The following SLC44A5 variants were observed in gnomAD, a reference collection of about 807,000 sequenced individuals.
SLC44A5 encodes solute carrier family 44 member 5.
A neutral mutation model predicts 101.8 loss-of-function variants in SLC44A5; 57 were observed. The observed-to-expected ratio is 0.56, with a 90% confidence interval of 0.45 to 0.70. The LOEUF is 0.70. Among genes scored for constraint, SLC44A5 ranks in the 30% least tolerant of loss-of-function variants. The pLI, the probability that SLC44A5 is intolerant of heterozygous loss-of-function variation, is 0.00. For missense variants in SLC44A5, 737 were observed against 853.1 expected (o/e 0.86, Z 1.70); for synonymous variants, 281 against 290.9 (o/e 0.97, Z 0.35).
intron 5 of SLC44A5, among the ~76,000 whole-genome samples, chr1:75,294,639 T>C (rs540486861): frequency 6.6e-6 from 1 of 152,196 alleles, no homozygotes; most frequent in East Asian, 1.9e-4. Flanking sequence ...CTTGTGTATG[T>C]GTGTGTGTAT....
chr1:75,471,676 GC>G (rs1438490791), intron 2 of SLC44A5, among the ~76,000 whole-genome samples: 1 of 151,758 alleles, frequency 6.6e-6, no homozygotes, highest in Non-Finnish European at 1.5e-5. Context: ...GCATTCCACT[GC>G]CCTCTATTTC....
intron 4 of SLC44A5, among the ~76,000 whole-genome samples, chr1:75,321,027 TAG>T: frequency 6.6e-6 from 1 of 152,268 alleles, no homozygotes; most frequent in Middle Eastern, 3.4e-3. Context: ...TATAAATATG[TAG>T]GAGAAAATGC....
intron 5 of SLC44A5, among the ~76,000 whole-genome samples, chr1:75,279,460 T>C (rs958294643): frequency 7.2e-5 from 11 of 152,146 alleles, no homozygotes; most frequent in Non-Finnish European, 1.6e-4. Flanking sequence ...AACCACAACT[T>C]CATGAAGAAC....
intron 2 of SLC44A5, among the ~76,000 whole-genome samples, chr1:75,414,247 T>A (rs1663473138): frequency 6.6e-6 from 1 of 151,828 alleles, no homozygotes; most frequent in Non-Finnish European, 1.5e-5. Context: ...CAAATTTGAA[T>A]TGTTATAACA....
At chr1:75,716,268 C>T in the SLC44A5 span, among the ~76,000 whole-genome samples, 1 of 152,016 alleles carries the variant, frequency 6.6e-6, no homozygotes, top group African/African-American at 2.4e-5. Context: ...TGCTTGAGTC[C>T]CAGAGTTAGA....
chr1:75,532,906 GATGA>G (rs1353780222), intron 2 of SLC44A5, among the ~76,000 whole-genome samples: 2 of 152,076 alleles, frequency 1.3e-5, no homozygotes, highest in Admixed American at 1.3e-4. Context: ...ATATAGGTTG[GATGA>G]ATAAGTGAAT....
At chr1:75,623,588 A>C in the SLC44A5 span, among the ~76,000 whole-genome samples, 1 of 152,116 alleles carries the variant, frequency 6.6e-6, no homozygotes, top group Non-Finnish European at 1.5e-5. Flanking sequence ...TCAAAGGATA[A>C]GGTTTTTTTT....
chr1:75,534,123 G>A (rs777851152), intron 2 of SLC44A5, among the ~76,000 whole-genome samples: 18 of 152,056 alleles, frequency 1.2e-4, no homozygotes, highest in Non-Finnish European at 2.5e-4. Flanking sequence ...GATCAGAGCT[G>A]GCAGAAAAGG....
chr1:75,681,152 G>A, the SLC44A5 span, among the ~76,000 whole-genome samples: 2 of 152,254 alleles, frequency 1.3e-5, no homozygotes, highest in East Asian at 3.9e-4. Flanking sequence ...TCCAGGACCA[G>A]ATGGATTCAC....
intron 2 of SLC44A5, among the ~76,000 whole-genome samples, chr1:75,456,476 G>A (rs1666195249): frequency 6.6e-6 from 1 of 152,162 alleles, no homozygotes; most frequent in Non-Finnish European, 1.5e-5. Context: ...TAACAAGCCT[G>A]CACTTGTAGA....
intron 2 of SLC44A5, among the ~76,000 whole-genome samples, chr1:75,421,164 G>A (rs952787442): frequency 4.6e-5 from 7 of 151,822 alleles, no homozygotes; most frequent in African/African-American, 1.7e-4. Context: ...CTTGAAAAAT[G>A]GGAACAATTT....
the SLC44A5 span, among the ~76,000 whole-genome samples, chr1:75,628,679 T>C: frequency 6.6e-6 from 1 of 152,136 alleles, no homozygotes; most frequent in Non-Finnish European, 1.5e-5. Flanking sequence ...GTTCATGTCA[T>C]AACATTCAAA....
At chr1:75,597,447 T>C (rs1045784874) in intron 1 of SLC44A5, among the ~76,000 whole-genome samples, 4 of 151,818 alleles carry the variant, frequency 2.6e-5, no homozygotes, top group African/African-American at 9.7e-5. Flanking sequence ...TAGAAAAAAA[T>C]TTCAAAATTC....
chr1:75,358,399 A>G (rs907779356), intron 3 of SLC44A5, among the ~76,000 whole-genome samples: 5 of 152,196 alleles, frequency 3.3e-5, no homozygotes, highest in Non-Finnish European at 7.4e-5. Context: ...TGTTAGTCAA[A>G]GTTTTGCATT....
intron 6 of SLC44A5, among the ~76,000 whole-genome samples, chr1:75,261,180 A>T (rs1176101741): frequency 1.3e-5 from 2 of 152,316 alleles, no homozygotes; most frequent in African/African-American, 4.8e-5. Flanking sequence ...ATCAGAGCAG[A>T]ACGGAAGGGC....
At chr1:75,322,621 T>C (rs1008973476) in intron 4 of SLC44A5, among the ~76,000 whole-genome samples, 2 of 152,184 alleles carry the variant, frequency 1.3e-5, no homozygotes, top group East Asian at 3.9e-4. Context: ...ATCTTGGATT[T>C]AGAACCAGTC....
chr1:75,208,200 C>A (rs1206211978), intron 23 of SLC44A5, among the ~76,000 whole-genome samples: 2 of 152,164 alleles, frequency 1.3e-5, no homozygotes, highest in African/African-American at 4.8e-5. Context: ...ACTCTGTCAC[C>A]TAGCCTGGAG....
rs780511979 is a variant in SLC44A5 at position 75,535,929 on chromosome 1, C to G, written c.13+5506G>C. On this transcript the variant is annotated intron_variant, in intron 2 of 23. Coordinates refer to ENST00000370859, the MANE Select transcript of SLC44A5 (RefSeq NM_001130058.2). The stretch of plus-strand genomic sequence containing the variant: ...CCACTTTCATAATAAAAACCCAAGG[C>G]CAGGAGCGGTGGTCCATGCCTGTAA... Among the ~76,000 whole-genome samples the G allele has an allele frequency of 7.9e-5, 12 of 151,998 alleles. No homozygotes were observed. In the East Asian group the frequency reaches 2.3e-3, roughly 29 times the overall value.
chr1:75,663,191 G>A, the SLC44A5 span, among the ~76,000 whole-genome samples: 1 of 152,108 alleles, frequency 6.6e-6, no homozygotes, highest in Non-Finnish European at 1.5e-5. Context: ...AATCCATGTT[G>A]AAATCTTAAC....
Sources: allele counts gnomAD v4.1 joint callset (sites outside exome capture counted in the v4.1 genomes callset), GRCh38; gene constraint gnomAD v4.1.1; transcripts MANE v1.5; gene names NCBI Gene and HGNC (gene_info 2026-07-23, HGNC 2026-07-21).